The following KIFC3 variants were observed in gnomAD, a reference collection of about 807,000 sequenced individuals.
KIFC3 encodes the protein kinesin-like protein KIFC3.
KIFC3 carries 60 observed loss-of-function variants against 101.8 expected under a neutral mutation model. The ratio of observed to expected loss-of-function variants is 0.59; its 90% confidence interval spans 0.48 to 0.73. The LOEUF (loss-of-function observed/expected upper bound fraction) is 0.73, where lower values mean the gene tolerates loss of function less well. Ranked by LOEUF, KIFC3 falls within the 30% of genes least tolerant of loss-of-function variation. The pLI, the probability that KIFC3 is intolerant of heterozygous loss-of-function variation, is 0.00. For synonymous variants in KIFC3, 476 were observed against 482.7 expected (o/e 0.99, Z 0.18); for missense variants, 966 against 1,137.1 (o/e 0.85, Z 2.16).
chr16:57,829,755 C>T (rs886238628), intron 1 of KIFC3, among the ~76,000 whole-genome samples: 8 of 152,152 alleles, frequency 5.3e-5, no homozygotes, highest in Non-Finnish European at 8.8e-5. Flanking sequence ...GGTAATCTCA[C>T]GGAGCTGCAG....
rs991837057 is a variant in KIFC3 at position 57,759,540 on chromosome 16, G to A, written c.2476+188C>T. The A allele has an allele frequency of 2.1e-4, 126 of 587,760 alleles. 1 individual carries two copies. The highest frequency in any genetic ancestry group is 5.4e-4 in the Middle Eastern group (2 of 3,684). 36.4% of individuals were successfully genotyped at this position (587,760 alleles called of 1,614,324 possible). A position where few individuals can be genotyped will look rare whatever the true frequency, so the allele number is the denominator to read the frequency against. On this transcript the variant is annotated intron_variant, in intron 18 of 19. Coordinates refer to ENST00000445690, the MANE Select transcript of KIFC3 (RefSeq NM_001130100.2). ...CCCACAGACCTTCCATTTCCCACCT[G>A]CAGAACGGACACAGCACTGTCTGCC...
At chr16:57,793,510 T>G (rs1555621211) in intron 3 of KIFC3, among the ~76,000 whole-genome samples, 1 of 151,004 alleles carries the variant, frequency 6.6e-6, no homozygotes, top group Non-Finnish European at 1.5e-5. Flanking sequence ...GGAGAATCAC[T>G]GGAATCCGGG....
intron 11 of KIFC3, 115 bp downstream of exon 11, chr16:57,765,344 T>C (rs1157584210): frequency 9.3e-7 from 1 of 1,078,696 alleles, no homozygotes. Flanking sequence ...TCCCCACTTC[T>C]GATTCCTGCA....
intron 1 of KIFC3, among the ~76,000 whole-genome samples, chr16:57,840,005 T>C (rs1005496642): frequency 2.0e-5 from 3 of 152,126 alleles, no homozygotes; most frequent in Non-Finnish European, 4.4e-5. Context: ...CTCCCCAGCC[T>C]TCCCAGTCTC....
chr16:57,785,345 G>T, intron 3 of KIFC3: 1 of 439,018 alleles, frequency 2.3e-6, no homozygotes, highest in Non-Finnish European at 3.3e-6. Flanking sequence ...TCCAGGAAAC[G>T]AGACCCCAGC....
intron 1 of KIFC3, among the ~76,000 whole-genome samples, chr16:57,832,503 C>G (rs1376131120): frequency 6.6e-6 from 1 of 151,734 alleles, no homozygotes; most frequent in Non-Finnish European, 1.5e-5. Context: ...TTAGTAAGGA[C>G]AAGGTTTCAC....
intron 16 of KIFC3, 123 bp downstream of exon 16, chr16:57,760,603 G>T: frequency 9.3e-7 from 1 of 1,075,014 alleles, no homozygotes; most frequent in Non-Finnish European, 1.4e-6. Context: ...GAGTTACACA[G>T]GGTGTGTGTG....
At chr16:57,850,420 T>C (rs2149326395) in intron 1 of KIFC3, among the ~76,000 whole-genome samples, 1 of 143,850 alleles carries the variant, frequency 7.0e-6, no homozygotes, top group South Asian at 2.2e-4. Flanking sequence ...CAAAATAATA[T>C]AATACAATAA....
chr16:57,833,207 A>AAT (rs148991422), intron 1 of KIFC3, among the ~76,000 whole-genome samples: 5,487 of 149,376 alleles, frequency 0.037, 119 homozygotes, highest in African/African-American at 0.07. Context: ...CTCTGTCTCA[A>AAT]ATATATATAT....
At chr16:57,824,046 AGCACGTCTT>A (rs2055410390) in intron 1 of KIFC3, among the ~76,000 whole-genome samples, 1 of 152,196 alleles carries the variant, frequency 6.6e-6, no homozygotes, top group Non-Finnish European at 1.5e-5. Flanking sequence ...TGTCAGGGAG[AGCACGTCTT>A]GCTGGTGGCA....
At chr16:57,799,318 G>A (rs2054573901) in intron 1 of KIFC3, among the ~76,000 whole-genome samples, 1 of 152,204 alleles carries the variant, frequency 6.6e-6, no homozygotes, top group Non-Finnish European at 1.5e-5. Flanking sequence ...AGTCAGCTTG[G>A]AGAGGCAACA....
chr16:57,822,703 T>TAAATA lies in KIFC3; in HGVS notation c.109-24426_109-24422dup, dbSNP rs545348092. Among the ~76,000 whole-genome samples, 48 of 151,748 alleles carry TAAATA rather than the reference T, an allele frequency of 3.2e-4. No homozygotes were observed. In the East Asian group the frequency reaches 7.0e-3, roughly 22 times the overall value. On this transcript the variant is annotated intron_variant, in intron 1 of 2. Transcript: ENST00000563028. ...CAGAGCAAGACTCCATCTCAAAAAA[T>TAAATA]AAATAAAATAAAATAAAATAATAAA...
Position 57,764,266 on chromosome 16 carries a change from G to A in KIFC3, c.1513-19C>T. 1 of 1,408,340 alleles carries A rather than the reference G, an allele frequency of 7.1e-7. No individual in the cohort carries two copies. The highest frequency in any genetic ancestry group is 9.8e-7 in the Non-Finnish European group (1 of 1,017,850). 87.2% of individuals were successfully genotyped at this position (1,408,340 alleles called of 1,614,324 possible). On this transcript the variant is annotated intron_variant, in intron 11 of 19. Coordinates refer to ENST00000445690, the MANE Select transcript of KIFC3 (RefSeq NM_001130100.2). ...GGAACACCTGGGAGGGTGGTGGGAG[G>A]GAGGCTGGTGGGGGGGCTTCCAGGG...
intron 1 of KIFC3, among the ~76,000 whole-genome samples, chr16:57,857,908 C>A (rs2056212227): frequency 7.1e-6 from 1 of 140,804 alleles, no homozygotes; most frequent in Non-Finnish European, 1.5e-5. Context: ...CTCACTGCAA[C>A]TTCCGCCTCC....
At chr16:57,811,472 C>T (rs1295321349) in intron 1 of KIFC3, among the ~76,000 whole-genome samples, 4 of 152,170 alleles carry the variant, frequency 2.6e-5, no homozygotes, top group African/African-American at 9.7e-5. Flanking sequence ...CCTATAATCT[C>T]AGCAGTTTGG....
chr16:57,850,465 G>GTT (rs373157438), intron 1 of KIFC3, among the ~76,000 whole-genome samples: 6,875 of 84,152 alleles, frequency 0.082, 488 homozygotes, highest in Non-Finnish European at 0.09. Context: ...TTTAAAAAGG[G>GTT]TTTTTTTTTT....
chr16:57,856,883 T>G (rs1268279758), intron 1 of KIFC3, among the ~76,000 whole-genome samples: 1 of 152,196 alleles, frequency 6.6e-6, no homozygotes, highest in East Asian at 1.9e-4. Context: ...TAGAAGAAAT[T>G]GAATTCATAG....
intron 3 of KIFC3, among the ~76,000 whole-genome samples, chr16:57,789,988 C>T (rs554685878): frequency 2.4e-4 from 37 of 151,736 alleles, no homozygotes; most frequent in Non-Finnish European, 4.6e-4. Flanking sequence ...CCACCTGCCT[C>T]GACCTCTCAA....
chr16:57,775,700 G>A (rs2051959937), intron 3 of KIFC3: 1 of 985,462 alleles, frequency 1.0e-6, no homozygotes, highest in African/African-American at 1.7e-5. Flanking sequence ...GTGCCACCCT[G>A]GGCCCGATAC....
Sources: allele counts gnomAD v4.1 joint callset (sites outside exome capture counted in the v4.1 genomes callset), GRCh38; gene constraint gnomAD v4.1.1; transcripts MANE v1.5; gene names NCBI Gene and HGNC (gene_info 2026-07-23, HGNC 2026-07-21).